The following TBC1D19 variants were observed in gnomAD, a reference collection of about 807,000 sequenced individuals.
The protein encoded by TBC1D19 is TBC1 domain family, member 19.
Under a neutral mutation model 89.0 loss-of-function variants are expected in TBC1D19, and 60 were observed. The observed-to-expected ratio is 0.67, with a 90% CI of 0.55 to 0.84. The LOEUF (loss-of-function observed/expected upper bound fraction) is 0.84, where lower values mean the gene tolerates loss of function less well. Among genes scored for constraint, TBC1D19 ranks in the 40% least tolerant of loss-of-function variants. The probability of loss-of-function intolerance (pLI) is 0.00; values close to 1 mark genes in which losing one functional copy is unlikely to be tolerated. For synonymous variants in TBC1D19, 189 were observed against 199.7 expected (o/e 0.95, Z 0.45); for missense variants, 500 against 610.8 (o/e 0.82, Z 1.91).
chr4:26,651,310 A>G (rs1244794692), intron 7 of TBC1D19, among the ~76,000 whole-genome samples: 2 of 152,156 alleles, frequency 1.3e-5, no homozygotes, highest in Non-Finnish European at 2.9e-5. Flanking sequence ...TTTGGGCAGT[A>G]TGGCCATTTT....
intron 7 of TBC1D19, among the ~76,000 whole-genome samples, chr4:26,643,255 A>G (rs952164940): frequency 6.6e-6 from 1 of 152,210 alleles, no homozygotes; most frequent in African/African-American, 2.4e-5. Flanking sequence ...ATCAAATTAG[A>G]ACTCAGGATT....
chr4:26,602,631 G>A (rs1577781668), intron 1 of TBC1D19, among the ~76,000 whole-genome samples: 3 of 151,624 alleles, frequency 2.0e-5, no homozygotes, highest in African/African-American at 4.8e-5. Context: ...TAGTAGAGAC[G>A]GGGTTTCACC....
In TBC1D19 at chr4:26,628,607, A is replaced by G. The variant is rs535575598; in HGVS notation, c.294+7919A>G. Among the ~76,000 whole-genome samples, 5 of 152,042 alleles carry G rather than the reference A, an allele frequency of 3.3e-5. No homozygotes were observed. The East Asian group carries it at 9.7e-4, about 29-fold the overall frequency. On this transcript the variant is annotated intron_variant, in intron 4 of 20. Coordinates refer to ENST00000264866, the MANE Select transcript of TBC1D19 (RefSeq NM_018317.4). ...GATGACATAATTGTATATCTAGAAA[A>G]CCCCACTGTCTCAGCCCAAAATCTC... is the stretch of plus-strand genomic sequence containing the variant.
the TBC1D19 span, among the ~76,000 whole-genome samples, chr4:26,801,256 A>G: frequency 6.6e-6 from 1 of 151,848 alleles, no homozygotes; most frequent in African/African-American, 2.4e-5. Flanking sequence ...ACCATTTATT[A>G]AATAGGAAAT....
At chr4:26,612,141 C>T (rs1331926516) in intron 1 of TBC1D19, among the ~76,000 whole-genome samples, 1 of 151,592 alleles carries the variant, frequency 6.6e-6, no homozygotes, top group Non-Finnish European at 1.5e-5. Flanking sequence ...GGTTTATCCT[C>T]AGCTGCTTGT....
At chr4:26,800,726 T>C in the TBC1D19 span, among the ~76,000 whole-genome samples, 1 of 152,378 alleles carries the variant, frequency 6.6e-6, no homozygotes, top group African/African-American at 2.4e-5. Flanking sequence ...TATCTCATTG[T>C]GGTTTTGATT....
At chr4:26,665,846 C>G (rs967184010) in intron 8 of TBC1D19, among the ~76,000 whole-genome samples, 1 of 151,916 alleles carries the variant, frequency 6.6e-6, no homozygotes, top group Non-Finnish European at 1.5e-5. Flanking sequence ...CATTCCTTAC[C>G]TTACTGAGTA....
intron 17 of TBC1D19, among the ~76,000 whole-genome samples, chr4:26,741,217 G>A (rs928732219): frequency 3.3e-5 from 5 of 151,686 alleles, no homozygotes; most frequent in East Asian, 1.9e-4. Context: ...TTAGCCTGGC[G>A]CGGTGGCGGG....
chr4:26,590,818 TTTTTTTTTTG>T (rs1739741322), intron 1 of TBC1D19, among the ~76,000 whole-genome samples: 1 of 132,452 alleles, frequency 7.5e-6, no homozygotes. Flanking sequence ...TTTTTTTTTT[TTTTTTTTTTG>T]TGAGTCAGTG....
chr4:26,645,029 T>G (rs1743818572), intron 7 of TBC1D19, among the ~76,000 whole-genome samples: 1 of 150,708 alleles, frequency 6.6e-6, no homozygotes, highest in Non-Finnish European at 1.5e-5. Context: ...GGAAGAACAT[T>G]CCATGCTCAT....
At chr4:26,754,000 T>A (rs1054612992) in intron 20 of TBC1D19, 110 bp downstream of exon 20, 51 of 1,109,550 alleles carry the variant, frequency 4.6e-5, no homozygotes, top group Admixed American at 7.9e-5. Flanking sequence ...CCAGGTTTTT[T>A]AACTCGGGTA....
chr4:26,596,376 G>T (rs1463057884), intron 1 of TBC1D19, among the ~76,000 whole-genome samples: 1 of 151,688 alleles, frequency 6.6e-6, no homozygotes, highest in Non-Finnish European at 1.5e-5. Flanking sequence ...TAAATTATTG[G>T]CCTAAAGTTG....
intron 7 of TBC1D19, among the ~76,000 whole-genome samples, chr4:26,643,102 A>AC (rs772755696): frequency 5.9e-5 from 9 of 152,090 alleles, no homozygotes; most frequent in African/African-American, 9.7e-5. Context: ...AGAACCCTCC[A>AC]CCCCAAATCA....
intron 15 of TBC1D19, among the ~76,000 whole-genome samples, chr4:26,726,841 C>T (rs191748690): frequency 6.6e-6 from 1 of 152,092 alleles, no homozygotes; most frequent in Admixed American, 6.5e-5. Context: ...TTAATAAGTG[C>T]AAAGCATGTT....
At chr4:26,625,019 G>A (rs955236021) in intron 4 of TBC1D19, among the ~76,000 whole-genome samples, 15 of 152,030 alleles carry the variant, frequency 9.9e-5, no homozygotes, top group East Asian at 9.7e-4. Flanking sequence ...AGTAAAACAC[G>A]GGTAGAAAAT....
intron 8 of TBC1D19, chr4:26,663,045 T>G (rs1350393937): frequency 6.6e-6 from 1 of 152,022 alleles, no homozygotes; most frequent in African/African-American, 2.4e-5. Flanking sequence ...GAGCAGGAGG[T>G]TGGAAGGTTC....
At chr4:26,652,980 T>C (rs1246891230) in intron 7 of TBC1D19, among the ~76,000 whole-genome samples, 3 of 152,244 alleles carry the variant, frequency 2.0e-5, no homozygotes, top group Non-Finnish European at 4.4e-5. Flanking sequence ...TTTTAGATCT[T>C]TCCTGCTTTC....
At chr4:26,628,748 T>C (rs1276393122) in intron 4 of TBC1D19, among the ~76,000 whole-genome samples, 3 of 151,814 alleles carry the variant, frequency 2.0e-5, no homozygotes, top group Non-Finnish European at 2.9e-5. Context: ...ATGAGTGAAC[T>C]CCCATTCACA....
intron 7 of TBC1D19, among the ~76,000 whole-genome samples, chr4:26,652,522 T>C (rs1289052507): frequency 6.6e-6 from 1 of 152,200 alleles, no homozygotes; most frequent in Admixed American, 6.5e-5. Context: ...ATTACAGGCG[T>C]GAGCCACCGC....
Sources: allele counts gnomAD v4.1 joint callset (sites outside exome capture counted in the v4.1 genomes callset), GRCh38; gene constraint gnomAD v4.1.1; transcripts MANE v1.5; gene names NCBI Gene and HGNC (gene_info 2026-07-23, HGNC 2026-07-21).